Variants in PNPT1 observed in about 807,000 individuals in gnomAD.
PNPT1 encodes polyribonucleotide nucleotidyltransferase 1, mitochondrial.
A neutral mutation model predicts 119.5 loss-of-function variants in PNPT1; 53 were observed. That is an observed-to-expected ratio of 0.44 (90% CI 0.36 to 0.56). The LOEUF is 0.56. PNPT1 is among the 20% of genes least tolerant of loss of function. PNPT1 has a pLI of 0.00. For missense variants in PNPT1, 948 were observed against 938.5 expected, an observed-to-expected ratio of 1.01 and a Z score of -0.13; for synonymous variants, 357 against 322.1, an observed-to-expected ratio of 1.11 and a Z score of -1.16.
intron 26 of PNPT1, among the ~76,000 whole-genome samples, chr2:55,639,436 A>C (rs369083680): frequency 6.6e-6 from 1 of 152,204 alleles, no homozygotes. Flanking sequence ...CCCCATCAAC[A>C]GTGTATGAAA....
At chr2:55,689,526 A>AT (rs1475323379) in intron 1 of PNPT1, among the ~76,000 whole-genome samples, 1 of 152,260 alleles carries the variant, frequency 6.6e-6, no homozygotes, top group African/African-American at 2.4e-5. Flanking sequence ...TTATTCAGCG[A>AT]TAAAAAGGAA....
rs1487136013 is a variant in PNPT1, at chr2:55,672,655, T to C, written c.866+238A>G. 2.6e-5 allele frequency among the ~76,000 whole-genome samples: 4 copies of C among 152,182 alleles called. No homozygotes were observed. In the East Asian group the frequency reaches 7.7e-4, roughly 29 times the overall value. ...GACGTGGAGAGATGTGGTGCTTACC[T>C]GAATCTTGACCAATAAACACACTCT... On this transcript the variant is annotated intron_variant, in intron 9 of 27. Transcript: ENST00000447944.
chr2:55,639,146 A>T (rs972519159), intron 26 of PNPT1, among the ~76,000 whole-genome samples: 2 of 152,248 alleles, frequency 1.3e-5, no homozygotes, highest in African/African-American at 4.8e-5. Context: ...TTATTTAAAC[A>T]ATCACCTAAA....
At chr2:55,689,885 C>T (rs1239363816) in intron 1 of PNPT1, among the ~76,000 whole-genome samples, 2 of 152,088 alleles carry the variant, frequency 1.3e-5, no homozygotes, top group East Asian at 3.9e-4. Context: ...GCCGTGGTGC[C>T]ATCTCAGCTC....
chr2:55,684,102 T>C (rs1697326185), intron 4 of PNPT1, among the ~76,000 whole-genome samples: 1 of 152,216 alleles, frequency 6.6e-6, no homozygotes, highest in Non-Finnish European at 1.5e-5. Context: ...CAGTTACATA[T>C]ATAAGCAGAG....
intron 27 of PNPT1, 21 bp downstream of exon 27, chr2:55,637,531 T>G: frequency 8.9e-6 from 14 of 1,581,016 alleles, no homozygotes; most frequent in Non-Finnish European, 1.1e-5. Flanking sequence ...ACTTCAAGGC[T>G]AAAAGGTGGA....
In PNPT1 at chr2:55,683,789, G is replaced by A. The variant is rs1399193883; in HGVS notation, c.449C>T (p.Thr150Ile). The change falls in exon 5 of 28, where the codon ACA becomes ATA. Residue 150 changes from threonine to isoleucine, a missense_variant. Physicochemically the swap from Thr to Ile is moderately conservative, Grantham distance 89. Coordinates refer to ENST00000447944, the MANE Select transcript of PNPT1 (RefSeq NM_033109.5). ...AAAACCTAAAGCAGAATCTACCTGT[G>A]TATCATAGAAGTAGCCAGCTGGAAA... is the stretch of plus-strand genomic sequence containing the variant. Reference protein sequence around the residue: ...PLFPAGYFYDTQVLCNLLAVD... With the variant: ...PLFPAGYFYDIQVLCNLLAVD... 1.4e-5 allele frequency: 23 copies of A among 1,612,518 alleles called. No individual in the cohort carries two copies. Among genetic ancestry groups the A allele is most frequent in the East Asian group, 2.2e-5 (1 of 44,832 alleles).
Position 55,660,186 on chromosome 2 carries a change from T to G in PNPT1, c.1255A>C (p.Lys419Gln), listed in dbSNP as rs1328511366. 9.4e-6 allele frequency: 15 copies of G among 1,590,382 alleles called. No homozygotes were observed. The highest frequency in any genetic ancestry group is 1.7e-6 in the Non-Finnish European group (2 of 1,169,154). The change falls in exon 15 of 28, where the codon AAA becomes CAA. Residue 419 changes from lysine (K) to glutamine (Q), a missense_variant. Physicochemically the swap from Lys to Gln is moderately conservative, Grantham distance 53 (BLOSUM62 1). Coordinates refer to ENST00000447944, the MANE Select transcript of PNPT1 (RefSeq NM_033109.5). ...TAGTGCAGCATGAAATTTTTATCTT[T>G]TATCCCACTAAAAATAAAAGGCATA... ...DQVITAINGIKDKNFMLHYEF... is the reference protein window; with the variant it reads ...DQVITAINGIQDKNFMLHYEF...
intron 15 of PNPT1, among the ~76,000 whole-genome samples, chr2:55,658,043 G>C (rs577650568): frequency 1.1e-4 from 16 of 151,914 alleles, no homozygotes; most frequent in African/African-American, 3.9e-4. Context: ...TTTGAGACCA[G>C]CCTGGACAAC....
At chr2:55,644,512 T>C in intron 23 of PNPT1, 125 bp downstream of exon 23, 1 of 614,188 alleles carries the variant, frequency 1.6e-6, no homozygotes. Context: ...TCATATCCTT[T>C]TCTCCTGGTC....
intron 13 of PNPT1, among the ~76,000 whole-genome samples, chr2:55,662,870 C>G (rs1696620283): frequency 6.8e-6 from 1 of 146,584 alleles, no homozygotes; most frequent in South Asian, 2.2e-4. Flanking sequence ...GGTGGATTAG[C>G]AGACAAAAGA....
At chr2:55,654,814 G>T (rs1696332332) in intron 18 of PNPT1, 86 bp downstream of exon 18, 1 of 1,251,408 alleles carries the variant, frequency 8.0e-7, no homozygotes, top group Non-Finnish European at 1.1e-6. Context: ...AGCCTCAAGT[G>T]AGCCTCCTGC....
chr2:55,689,927 T>C (rs1697538077), intron 1 of PNPT1, among the ~76,000 whole-genome samples: 1 of 152,158 alleles, frequency 6.6e-6, no homozygotes, highest in Non-Finnish European at 1.5e-5. Flanking sequence ...GCTCAAGTGA[T>C]CCTCCCATCT....
intron 3 of PNPT1, among the ~76,000 whole-genome samples, chr2:55,685,852 T>C (rs1360458674): frequency 1.3e-5 from 2 of 152,248 alleles, no homozygotes; most frequent in Non-Finnish European, 2.9e-5. Context: ...TCTCATATAC[T>C]TTAAATCATC....
Position 55,693,760 on chromosome 2 carries a change from G to A in PNPT1, c.64C>T (p.Leu22Phe). Residue 22 changes from leucine (L) to phenylalanine (F), a missense_variant, in exon 1 of 28, where the codon CTT (leucine) becomes TTT (phenylalanine). Physicochemically the swap from Leu to Phe is conservative, Grantham distance 22. Transcript: ENST00000447944. ...RLRPLSDGPF[L>F]LPRRDRALTQ... ...AGTGCCCGATCCCGCCGTGGCAGAA[G>A]GAAAGGACCATCGCTCAGGGGCCGG... is the stretch of plus-strand genomic sequence containing the variant. 2 of 1,614,206 alleles carry A rather than the reference G, an allele frequency of 1.2e-6. No individual in the cohort carries two copies. Among genetic ancestry groups the A allele is most frequent in the Non-Finnish European group, 1.7e-6 (2 of 1,180,042 alleles).
chr2:55,656,786 T>C (rs922252103), intron 15 of PNPT1, among the ~76,000 whole-genome samples: 1 of 152,228 alleles, frequency 6.6e-6, no homozygotes, highest in Non-Finnish European at 1.5e-5. Flanking sequence ...ACACTGATAC[T>C]TTTTAGAGTT....
chr2:55,654,989 G>T, intron 17 of PNPT1, 36 bp from the exon 18 acceptor site: 3 of 1,548,262 alleles, frequency 1.9e-6, no homozygotes, highest in Non-Finnish European at 1.8e-6. Flanking sequence ...ATATTAAACT[G>T]ATTTTTTTAA....
At chr2:55,687,571 T>C in intron 2 of PNPT1, 74 bp downstream of exon 2, 1 of 1,054,982 alleles carries the variant, frequency 9.5e-7, no homozygotes, top group Non-Finnish European at 1.4e-6. Flanking sequence ...AGTTACACGA[T>C]GTTGTAGTTA....
At chr2:55,641,027 C>G (rs1302927760) in intron 25 of PNPT1, among the ~76,000 whole-genome samples, 1 of 152,034 alleles carries the variant, frequency 6.6e-6, no homozygotes, top group Non-Finnish European at 1.5e-5. Context: ...AGATCAACTC[C>G]ACCCTGGCCA....
Sources: allele counts gnomAD v4.1 joint callset (sites outside exome capture counted in the v4.1 genomes callset), GRCh38; gene constraint gnomAD v4.1.1; transcripts MANE v1.5; gene names NCBI Gene and HGNC (gene_info 2026-07-23, HGNC 2026-07-21).